PTPRK: variants seen among roughly 807,000 people sequenced by gnomAD.
PTPRK encodes protein tyrosine phosphatase receptor type K, also known as receptor-type tyrosine-protein phosphatase kappa.
In PTPRK, 75 loss-of-function variants were observed where a neutral mutation model predicts 178.0. The observed-to-expected ratio is 0.42, with a 90% CI of 0.35 to 0.51. PTPRK has a LOEUF of 0.51. PTPRK is among the 20% of genes least tolerant of loss of function. The probability of loss-of-function intolerance (pLI) is 0.02; values close to 1 mark genes in which losing one functional copy is unlikely to be tolerated. For synonymous variants in PTPRK, 637 were observed against 620.6 expected, an observed-to-expected ratio of 1.03 and a Z score of -0.39; for missense variants, 1,441 against 1,797.8, an observed-to-expected ratio of 0.80 and a Z score of 3.59.
intron 6 of PTPRK, among the ~76,000 whole-genome samples, chr6:128,209,927 G>A (rs1381874310): frequency 2.6e-5 from 4 of 152,142 alleles, no homozygotes; most frequent in African/African-American, 9.6e-5. Context: ...GGGCCTTGGA[G>A]CTGTGATGAG....
rs200698309 is a variant in PTPRK, at chr6:128,000,366, G to T, written c.2495-1462C>A. 8.5e-4 allele frequency: 1,035 copies of T among 1,222,138 alleles called. 1 individual carries two copies. Among genetic ancestry groups the T allele is most frequent in the Non-Finnish European group, 1.0e-3 (963 of 957,718 alleles). The allele number at this position is 1,222,138 out of a possible 1,614,324, so 75.7% of individuals were successfully genotyped here. A position where few individuals can be genotyped will look rare whatever the true frequency, so the allele number is the denominator to read the frequency against. Reference sequence around the variant, plus strand: ...GAAAAAAAAAAGAACCCTACAATCAGATTTGTGTGCCTCTGTAATTTAGCT... The same window carrying T: ...GAAAAAAAAAAGAACCCTACAATCATATTTGTGTGCCTCTGTAATTTAGCT... On this transcript the variant is annotated intron_variant, in intron 15 of 29. Coordinates refer to ENST00000368226, the MANE Select transcript of PTPRK (RefSeq NM_002844.4).
intron 6 of PTPRK, among the ~76,000 whole-genome samples, chr6:128,209,324 T>G (rs1050463890): frequency 3.3e-5 from 5 of 152,152 alleles, no homozygotes; most frequent in African/African-American, 9.7e-5. Context: ...AAGTACAATT[T>G]CAGGATCATC....
chr6:128,445,139 GAGCCC>G (rs1489700965), intron 1 of PTPRK, among the ~76,000 whole-genome samples: 1 of 142,444 alleles, frequency 7.0e-6, no homozygotes, highest in Non-Finnish European at 1.5e-5. Flanking sequence ...AGGAAAGCTT[GAGCCC>G]AGGAGTTGGA....
intron 1 of PTPRK, among the ~76,000 whole-genome samples, chr6:128,493,996 T>C (rs1417419211): frequency 6.6e-6 from 1 of 152,176 alleles, no homozygotes; most frequent in African/African-American, 2.4e-5. Context: ...ATAGTGCTGG[T>C]ACACACTAGT....
At chr6:128,097,356 C>A (rs1466680177) in intron 7 of PTPRK, among the ~76,000 whole-genome samples, 2 of 152,144 alleles carry the variant, frequency 1.3e-5, no homozygotes, top group African/African-American at 2.4e-5. Context: ...CAAAACAAGT[C>A]ATCACCACTG....
intron 2 of PTPRK, among the ~76,000 whole-genome samples, chr6:128,389,570 C>T (rs1033546133): frequency 4.0e-5 from 6 of 151,710 alleles, no homozygotes; most frequent in Non-Finnish European, 7.4e-5. Context: ...ACTGTATTTT[C>T]GGTCACACTC....
chr6:128,229,192 T>C lies in PTPRK; in HGVS notation c.694-10096A>G, dbSNP rs180973589. The stretch of plus-strand genomic sequence containing the variant: ...AAGAGCTAAGTAGAAGAAAGTATAT[T>C]ATCCATGCAATAGCTATATGCTGAC... On this transcript the variant is annotated intron_variant, in intron 5 of 29. Transcript: ENST00000368226. 2.6e-5 allele frequency among the ~76,000 whole-genome samples: 4 copies of C among 152,316 alleles called. No individual in the cohort carries two copies. In the East Asian group the frequency reaches 7.7e-4, roughly 29 times the overall value.
intron 19 of PTPRK, among the ~76,000 whole-genome samples, chr6:127,991,658 T>C (rs565676826): frequency 6.6e-6 from 1 of 151,528 alleles, no homozygotes; most frequent in Non-Finnish European, 1.5e-5. Context: ...CTTGGGTATT[T>C]ATATTTGTCA....
intron 3 of PTPRK, chr6:128,321,687 G>A (rs1828811530): frequency 1.5e-6 from 1 of 649,196 alleles, no homozygotes; most frequent in Non-Finnish European, 2.7e-6. Context: ...ATTTCTTCCT[G>A]AACAAAGCTG....
intron 13 of PTPRK, among the ~76,000 whole-genome samples, chr6:128,025,458 C>T (rs1294395854): frequency 6.6e-6 from 1 of 152,204 alleles, no homozygotes; most frequent in Admixed American, 6.5e-5. Context: ...AACCCTGGTT[C>T]TATCTAGCTC....
chr6:128,276,169 T>C (rs1181107565), intron 3 of PTPRK, among the ~76,000 whole-genome samples: 1 of 152,084 alleles, frequency 6.6e-6, no homozygotes, highest in East Asian at 1.9e-4. Context: ...GAGCATAAGA[T>C]TCTACTTGAG....
At chr6:128,451,602 TA>T (rs550595039) in intron 1 of PTPRK, among the ~76,000 whole-genome samples, 57 of 150,958 alleles carry the variant, frequency 3.8e-4, no homozygotes, top group South Asian at 1.7e-3. Flanking sequence ...CAAAATATGT[TA>T]AAAAAAAAGC....
At chr6:128,067,217 C>T (rs761260904) in intron 12 of PTPRK, among the ~76,000 whole-genome samples, 1 of 152,098 alleles carries the variant, frequency 6.6e-6, no homozygotes, top group Non-Finnish European at 1.5e-5. Flanking sequence ...AGGGTGGAGT[C>T]CCAGCAGCAG....
chr6:128,026,341 C>T (rs571702348), intron 13 of PTPRK, among the ~76,000 whole-genome samples: 4 of 152,260 alleles, frequency 2.6e-5, no homozygotes, highest in African/African-American at 7.2e-5. Flanking sequence ...AGTGGTCTTT[C>T]CCTTACATCA....
chr6:128,054,765 T>C (rs1273778639), intron 13 of PTPRK, among the ~76,000 whole-genome samples: 2 of 152,256 alleles, frequency 1.3e-5, no homozygotes, highest in Non-Finnish European at 2.9e-5. Flanking sequence ...CATTCATGTT[T>C]AATTTCATAT....
intron 5 of PTPRK, among the ~76,000 whole-genome samples, chr6:128,232,607 G>T (rs1278366824): frequency 6.6e-6 from 1 of 151,934 alleles, no homozygotes; most frequent in African/African-American, 2.4e-5. Context: ...TATACTTTAG[G>T]ATCTATAAGG....
chr6:128,243,510 A>AAG (rs1385305634), intron 3 of PTPRK, among the ~76,000 whole-genome samples: 2 of 123,680 alleles, frequency 1.6e-5, no homozygotes, highest in Non-Finnish European at 3.0e-5. Context: ...AAAAAAAAAA[A>AAG]AAAGAAAAGA....
chr6:128,463,974 C>T (rs533814569), intron 1 of PTPRK, among the ~76,000 whole-genome samples: 11 of 151,752 alleles, frequency 7.2e-5, no homozygotes, highest in Admixed American at 2.0e-4. Flanking sequence ...CAGGCGGTCT[C>T]GAACTCCCGA....
At chr6:128,287,993 A>G (rs773605204) in intron 3 of PTPRK, among the ~76,000 whole-genome samples, 15 of 151,952 alleles carry the variant, frequency 9.9e-5, no homozygotes, top group African/African-American at 2.9e-4. Context: ...ATTTTTTATC[A>G]TCTCCAACTA....
Sources: allele counts gnomAD v4.1 joint callset (sites outside exome capture counted in the v4.1 genomes callset), GRCh38; gene constraint gnomAD v4.1.1; transcripts MANE v1.5; gene names NCBI Gene and HGNC (gene_info 2026-07-23, HGNC 2026-07-21).